PDE1A: variants seen among roughly 807,000 people sequenced by gnomAD.
The protein encoded by PDE1A is dual specificity calcium/calmodulin-dependent 3',5'-cyclic nucleotide phosphodiesterase 1A.
PDE1A carries 35 observed loss-of-function variants against 61.7 expected under a neutral mutation model. The observed-to-expected ratio is 0.57, with a 90% CI of 0.43 to 0.75. The LOEUF (loss-of-function observed/expected upper bound fraction) is 0.75, where lower values mean the gene tolerates loss of function less well. Ranked by LOEUF, PDE1A falls within the 30% of genes least tolerant of loss-of-function variation. PDE1A has a pLI of 0.00. For synonymous variants in PDE1A, 232 were observed against 213.2 expected (o/e 1.09, Z -0.77); for missense variants, 597 against 630.6 (o/e 0.95, Z 0.57).
intron 1 of PDE1A, among the ~76,000 whole-genome samples, chr2:182,277,556 C>T (rs924734184): frequency 6.6e-6 from 1 of 152,044 alleles, no homozygotes; most frequent in African/African-American, 2.4e-5. Flanking sequence ...TTCATATCTG[C>T]CCCTACATGA....
intron 2 of PDE1A, among the ~76,000 whole-genome samples, chr2:182,461,162 G>A (rs755870069): frequency 2.6e-5 from 4 of 152,066 alleles, no homozygotes; most frequent in Non-Finnish European, 4.4e-5. Flanking sequence ...AGGTGTATTC[G>A]TTAGCAAATA....
intron 4 of PDE1A, among the ~76,000 whole-genome samples, chr2:182,231,379 C>G (rs906909955): frequency 6.6e-6 from 1 of 152,172 alleles, no homozygotes; most frequent in Non-Finnish European, 1.5e-5. Context: ...TGATTTAATA[C>G]ATTTGATAAT....
chr2:182,529,337 G>C, the PDE1A span, among the ~76,000 whole-genome samples: 8 of 152,322 alleles, frequency 5.3e-5, no homozygotes, highest in African/African-American at 9.6e-5. Context: ...TTTCGAACTT[G>C]ATAGGGCCTG....
At chr2:182,627,067 T>C in the PDE1A span, among the ~76,000 whole-genome samples, 182 of 8,664 alleles carry the variant, frequency 0.021, 25 homozygotes, top group Middle Eastern at 0.17. Flanking sequence ...TATAATATAT[T>C]ATTTATATAT....
At chr2:182,563,550 G>C in the PDE1A span, among the ~76,000 whole-genome samples, 1 of 152,152 alleles carries the variant, frequency 6.6e-6, no homozygotes, top group Non-Finnish European at 1.5e-5. Flanking sequence ...GGGGTGGAGA[G>C]TTCTGTAGAT....
At chr2:182,537,642 T>C in the PDE1A span, among the ~76,000 whole-genome samples, 1 of 151,700 alleles carries the variant, frequency 6.6e-6, no homozygotes, top group Non-Finnish European at 1.5e-5. Flanking sequence ...GAACTTAAAG[T>C]ATAATAAAAA....
At chr2:182,378,396 T>A (rs879813046) in intron 1 of PDE1A, among the ~76,000 whole-genome samples, 1 of 152,202 alleles carries the variant, frequency 6.6e-6, no homozygotes, top group Non-Finnish European at 1.5e-5. Context: ...AAATGTTCAA[T>A]GTTTTAATTG....
At position 182,231,117 on chromosome 2, in the gene PDE1A, C is replaced by T; in HGVS notation, c.432G>A (p.Trp144Ter). 1 of 1,575,404 alleles carries T rather than the reference C, an allele frequency of 6.3e-7. No individual in the cohort carries two copies. Among genetic ancestry groups the T allele is most frequent in the Non-Finnish European group, 8.7e-7 (1 of 1,147,390 alleles). ...CATTTAGGGCAAATACATCGAAAGA[C>T]CATTTATCAACATCCTGTAGAAAAA... Residue 144 changes from tryptophan to a stop codon, truncating the protein, a stop_gained, in exon 5 of 14, where the codon TGG (tryptophan) becomes TGA (stop). Transcript: ENST00000351439. LOFTEE classifies it high-confidence loss of function.
chr2:182,181,841 G>A (rs1684789994), intron 13 of PDE1A, among the ~76,000 whole-genome samples: 1 of 152,142 alleles, frequency 6.6e-6, no homozygotes. Context: ...ATTTTGCTTA[G>A]TCCAAACCTC....
intron 2 of PDE1A, among the ~76,000 whole-genome samples, chr2:182,489,028 G>A (rs7578481): frequency 0.41 from 62,344 of 152,046 alleles, 13,261 homozygotes; most frequent in African/African-American, 0.51. Flanking sequence ...ATAAAACTAA[G>A]ATAGAATAAA....
chr2:182,504,765 A>T (rs1689293730), intron 2 of PDE1A, among the ~76,000 whole-genome samples: 1 of 152,246 alleles, frequency 6.6e-6, no homozygotes. Flanking sequence ...TAGAATAAAT[A>T]AAGTCTGAGA....
chr2:182,161,375 A>C (rs1342528986), intron 13 of PDE1A, among the ~76,000 whole-genome samples: 2 of 149,228 alleles, frequency 1.3e-5, no homozygotes, highest in Non-Finnish European at 3.0e-5. Context: ...AATTATCTAA[A>C]TGGGGATGGA....
At chr2:182,711,776 A>C in the PDE1A span, among the ~76,000 whole-genome samples, 1 of 152,228 alleles carries the variant, frequency 6.6e-6, no homozygotes, top group Non-Finnish European at 1.5e-5. Flanking sequence ...CCACTGGTCC[A>C]ATCTAGAACT....
At chr2:182,428,849 T>C (rs1703774804), upstream of PDE1A, among the ~76,000 whole-genome samples, 1 of 151,250 alleles carries the variant, frequency 6.6e-6, no homozygotes, top group Admixed American at 6.6e-5. Flanking sequence ...TCATTTTGTC[T>C]TCTTTTGAAT....
intron 2 of PDE1A, among the ~76,000 whole-genome samples, chr2:182,451,934 C>A (rs956047946): frequency 1.1e-4 from 16 of 152,086 alleles, no homozygotes; most frequent in African/African-American, 3.9e-4. Flanking sequence ...AGAACTTCTG[C>A]TGGGCACTGG....
chr2:182,365,125 A>G (rs547894594), intron 1 of PDE1A, among the ~76,000 whole-genome samples: 107 of 152,136 alleles, frequency 7.0e-4, no homozygotes, highest in African/African-American at 2.4e-3. Flanking sequence ...TGTAACTTCA[A>G]TTTATGAGTA....
At chr2:182,388,226 A>G (rs112413323) in intron 1 of PDE1A, among the ~76,000 whole-genome samples, 2 of 152,184 alleles carry the variant, frequency 1.3e-5, no homozygotes, top group African/African-American at 2.4e-5. Flanking sequence ...CTGCAATACA[A>G]TAATAGTAGG....
intron 2 of PDE1A, among the ~76,000 whole-genome samples, chr2:182,433,012 C>A (rs1704033531): frequency 6.6e-6 from 1 of 152,092 alleles, no homozygotes; most frequent in Non-Finnish European, 1.5e-5. Context: ...TCCACATCCT[C>A]CACCTGGATC....
At chr2:182,302,441 G>T (rs116328904) in intron 1 of PDE1A, among the ~76,000 whole-genome samples, 17 of 152,170 alleles carry the variant, frequency 1.1e-4, no homozygotes, top group East Asian at 1.9e-4. Context: ...TCTTAAGTGT[G>T]CAACAACATT....
Sources: gnomAD v4.1 joint callset for allele counts (sites outside exome capture counted in the v4.1 genomes callset) on GRCh38, gnomAD v4.1.1 for gene constraint, MANE v1.5 for transcripts, NCBI Gene and HGNC (gene_info 2026-07-23, HGNC 2026-07-21) for gene names.